Variants in HFM1 observed in about 807,000 individuals in gnomAD.
HFM1 encodes probable ATP-dependent DNA helicase HFM1.
A neutral mutation model predicts 192.1 loss-of-function variants in HFM1; 169 were observed. The ratio of observed to expected loss-of-function variants is 0.88; its 90% confidence interval spans 0.78 to 1.00. HFM1 has a LOEUF of 1.00. HFM1 is among the 50% of genes least tolerant of loss of function. HFM1 has a pLI of 0.00. For missense variants in HFM1, 1,661 were observed against 1,668.0 expected (o/e 1.00, Z 0.07); for synonymous variants, 525 against 537.8 (o/e 0.98, Z 0.33).
intron 19 of HFM1, among the ~76,000 whole-genome samples, chr1:91,343,830 C>T (rs1423951437): frequency 2.0e-5 from 3 of 152,148 alleles, no homozygotes; most frequent in African/African-American, 7.2e-5. Flanking sequence ...ATAAGGTAGA[C>T]ACCGATATTT....
In HFM1 at chr1:91,380,904, ATACT is replaced by A. The variant is rs1214274680; in HGVS notation, c.873+4_873+7del. ...TAGAAAAATAAATAAGTAAAATAAA[ATACT>A]TACATCATCAAAGGCCTTGGACTGT... On this transcript the variant is annotated splice_donor_5th_base_variant and intron_variant, in intron 7 of 38. Coordinates refer to ENST00000370425, the MANE Select transcript of HFM1 (RefSeq NM_001017975.6). 8.4e-7 allele frequency: 1 copy of A among 1,193,346 alleles called. No individual in the cohort carries two copies. The highest frequency in any genetic ancestry group is 1.9e-5 in the Admixed American group (1 of 53,838). 73.9% of individuals were successfully genotyped at this position (1,193,346 alleles called of 1,614,324 possible).
chr1:91,273,454 G>T (rs2100750793), intron 34 of HFM1, among the ~76,000 whole-genome samples: 1 of 152,054 alleles, frequency 6.6e-6, no homozygotes, highest in African/African-American at 2.4e-5. Context: ...ATTTGCTCAG[G>T]TTTTCCTCAT....
intron 13 of HFM1, among the ~76,000 whole-genome samples, chr1:91,364,632 A>ATATATATATATTTTT (rs753472335): frequency 1.1e-3 from 73 of 66,786 alleles, no homozygotes; most frequent in Non-Finnish European, 1.5e-3. Flanking sequence ...ATATATATAT[A>ATATATATATATTTTT]TTTTTTTTTT....
In HFM1 at chr1:91,356,162, TA is replaced by T. The variant is rs1387329525; in HGVS notation, c.1686-2864del. ...TGGTCAAAGAAACCAAAAGGGAAAT[TA>T]AAAAATATCTTGAGACAAGTAACAA... is the stretch of plus-strand genomic sequence containing the variant. On this transcript the variant is annotated intron_variant, in intron 13 of 38. Transcript: ENST00000370425. Among the ~76,000 whole-genome samples the T allele has an allele frequency of 2.0e-5, 3 of 151,520 alleles. No individual in the cohort carries two copies. In the East Asian group the frequency reaches 5.8e-4, roughly 29 times the overall value.
rs200470596 is a variant in HFM1 at position 91,372,734 on chromosome 1, T to TAA, written c.1685+2622_1685+2623dup. Among the ~76,000 whole-genome samples the TAA allele has an allele frequency of 2.6e-5, 4 of 151,904 alleles. No individual in the cohort carries two copies. The East Asian group carries it at 7.7e-4, about 29-fold the overall frequency. On this transcript the variant is annotated intron_variant, in intron 13 of 38. Coordinates refer to ENST00000370425, the MANE Select transcript of HFM1 (RefSeq NM_001017975.6). Reference sequence around the variant, plus strand: ...ATGTACCCTAAAACTTAAAGTATAATAAAAAAAAGAAAATTCATAAGAATG... The same window carrying TAA: ...ATGTACCCTAAAACTTAAAGTATAATAAAAAAAAAAGAAAATTCATAAGAATG...
chr1:91,290,179 G>C (rs1451551370), intron 30 of HFM1, among the ~76,000 whole-genome samples: 1 of 151,988 alleles, frequency 6.6e-6, no homozygotes, highest in Non-Finnish European at 1.5e-5. Context: ...CATAATGACA[G>C]GATCAAATTC....
At chr1:91,364,632 A>ATTTT (rs61550398) in intron 13 of HFM1, among the ~76,000 whole-genome samples, 1,954 of 66,674 alleles carry the variant, frequency 0.029, 79 homozygotes, top group Non-Finnish European at 0.037. Flanking sequence ...ATATATATAT[A>ATTTT]TTTTTTTTTT....
At chr1:91,407,373 T>C (rs1265786076), upstream of HFM1, among the ~76,000 whole-genome samples, 1 of 152,102 alleles carries the variant, frequency 6.6e-6, no homozygotes, top group Non-Finnish European at 1.5e-5. Flanking sequence ...AAAAAGAAAT[T>C]TCTGCCCATT....
At chr1:91,328,398 G>T (rs1557857852) in intron 20 of HFM1, 1 of 1,591,734 alleles carries the variant, frequency 6.3e-7, no homozygotes, top group Non-Finnish European at 8.6e-7. Flanking sequence ...TTCAAGGCCT[G>T]GCCAAACTAA....
chr1:91,309,684 T>G (rs918933643), intron 30 of HFM1, among the ~76,000 whole-genome samples: 2 of 152,184 alleles, frequency 1.3e-5, no homozygotes. Flanking sequence ...TTAGTGATAC[T>G]CTATTATTTT....
chr1:91,370,452 A>G (rs1660024164), intron 13 of HFM1, among the ~76,000 whole-genome samples: 1 of 152,222 alleles, frequency 6.6e-6, no homozygotes, highest in African/African-American at 2.4e-5. Context: ...AAATCAATAC[A>G]CGTAATCCAG....
At chr1:91,352,965 G>A in intron 15 of HFM1, 86 bp downstream of exon 15, 1 of 815,468 alleles carries the variant, frequency 1.2e-6, no homozygotes, top group South Asian at 1.8e-5. Flanking sequence ...GAAACAAGCA[G>A]AACACTTGCG....
intron 30 of HFM1, among the ~76,000 whole-genome samples, chr1:91,300,594 G>A (rs1218184891): frequency 6.6e-6 from 1 of 152,164 alleles, no homozygotes; most frequent in Non-Finnish European, 1.5e-5. Flanking sequence ...CCATGATCAA[G>A]TGGGCTTCAT....
At chr1:91,279,622 C>T (rs889866296) in intron 30 of HFM1, among the ~76,000 whole-genome samples, 1 of 152,210 alleles carries the variant, frequency 6.6e-6, no homozygotes, top group Admixed American at 6.6e-5. Context: ...CATCAAAACA[C>T]ATTCAATTGC....
At chr1:91,390,292 C>T (rs1020766817) in intron 4 of HFM1, among the ~76,000 whole-genome samples, 2 of 151,894 alleles carry the variant, frequency 1.3e-5, no homozygotes, top group African/African-American at 2.4e-5. Flanking sequence ...AAAAATTAGC[C>T]GGGTGTGGTG....
At chr1:91,305,346 A>G (rs1004478182) in intron 30 of HFM1, among the ~76,000 whole-genome samples, 6 of 152,194 alleles carry the variant, frequency 3.9e-5, no homozygotes, top group Admixed American at 2.0e-4. Flanking sequence ...ATTTATTTCA[A>G]TGGTGTTTTG....
Position 91,317,313 on chromosome 1 carries a change from C to T in HFM1, c.2813-837G>A, listed in dbSNP as rs191143799. ...CCTGTAATCCCAGCTACTCAGGAGG[C>T]TGAGGCAGGAGAATCGCTTGAACCC... is the stretch of plus-strand genomic sequence containing the variant. On this transcript the variant is annotated intron_variant, in intron 25 of 38. Coordinates refer to ENST00000370425, the MANE Select transcript of HFM1 (RefSeq NM_001017975.6). Among the ~76,000 whole-genome samples, 28 of 152,270 alleles carry T rather than the reference C, an allele frequency of 1.8e-4. No homozygotes were observed. The East Asian group carries it at 4.8e-3, about 26-fold the overall frequency.
chr1:91,325,467 C>A (rs1652760700), intron 20 of HFM1, among the ~76,000 whole-genome samples: 1 of 152,296 alleles, frequency 6.6e-6, no homozygotes, highest in South Asian at 2.1e-4. Flanking sequence ...GAGAGAGAAT[C>A]TGTATTTTTG....
intron 30 of HFM1, among the ~76,000 whole-genome samples, chr1:91,281,036 C>A (rs1204721852): frequency 6.6e-6 from 1 of 152,124 alleles, no homozygotes; most frequent in Non-Finnish European, 1.5e-5. Flanking sequence ...AATGTTTTAA[C>A]CGAAGAGGGG....
Sources: allele counts gnomAD v4.1 joint callset (sites outside exome capture counted in the v4.1 genomes callset), GRCh38; gene constraint gnomAD v4.1.1; transcripts MANE v1.5; gene names NCBI Gene and HGNC (gene_info 2026-07-23, HGNC 2026-07-21).